SYT16: variants seen among roughly 807,000 people sequenced by gnomAD.
SYT16 encodes synaptotagmin 16.
A neutral mutation model predicts 61.4 loss-of-function variants in SYT16; 42 were observed. The ratio of observed to expected loss-of-function variants is 0.68; its 90% confidence interval spans 0.53 to 0.89. The LOEUF (loss-of-function observed/expected upper bound fraction) is 0.89, where lower values mean the gene tolerates loss of function less well. Among genes scored for constraint, SYT16 ranks in the 40% least tolerant of loss-of-function variants. The pLI is 0.00. For missense variants in SYT16, 804 were observed against 807.3 expected, an observed-to-expected ratio of 1.00 and a Z score of 0.05; for synonymous variants, 314 against 302.3, an observed-to-expected ratio of 1.04 and a Z score of -0.40.
chr14:61,891,238 A>G (rs1029908171), intron 1 of SYT16, among the ~76,000 whole-genome samples: 7 of 103,464 alleles, frequency 6.8e-5, no homozygotes, highest in East Asian at 2.9e-4. Flanking sequence ...GCATACACAC[A>G]CGCGCACACA....
chr14:61,841,466 TTAAAAGGTTTTTAAAAAATAATAGC>T lies in SYT16; in HGVS notation c.-325+28660_-325+28684del, dbSNP rs570053321. ...GAATTCCTAGATTAGCAGTTTTCATTTAAAAGGTTTTTAAAAAATAATAGCTAAGTCTGTTTAATTTGAAATTCTT... is the reference window on the plus strand; with the variant it reads ...GAATTCCTAGATTAGCAGTTTTCATTTAAGTCTGTTTAATTTGAAATTCTT... On this transcript the variant is annotated intron_variant, in intron 1 of 7. Transcript: ENST00000683842. 1.2e-4 allele frequency among the ~76,000 whole-genome samples: 18 copies of T among 152,340 alleles called. No homozygotes were observed. In the South Asian group the frequency reaches 3.3e-3, roughly 28 times the overall value.
chr14:61,866,374 G>T (rs2047154621), intron 1 of SYT16, among the ~76,000 whole-genome samples: 1 of 152,058 alleles, frequency 6.6e-6, no homozygotes, highest in South Asian at 2.1e-4. Context: ...GTACCATTTT[G>T]TATTCTCCCT....
chr14:61,989,159 G>T (rs1334578351), intron 2 of SYT16, among the ~76,000 whole-genome samples: 4 of 151,962 alleles, frequency 2.6e-5, no homozygotes, highest in African/African-American at 7.3e-5. Flanking sequence ...TTTTTCCGTG[G>T]TATTAGCTCA....
chr14:61,862,042 A>G (rs2046980812), intron 1 of SYT16, among the ~76,000 whole-genome samples: 1 of 152,242 alleles, frequency 6.6e-6, no homozygotes, highest in Admixed American at 6.5e-5. Flanking sequence ...CACACACAAT[A>G]TCTGCAAATC....
chr14:61,863,968 C>T (rs756237199), intron 1 of SYT16, among the ~76,000 whole-genome samples: 4 of 152,242 alleles, frequency 2.6e-5, no homozygotes, highest in South Asian at 2.1e-4. Context: ...TTCTATTGAT[C>T]GATTTATTCT....
chr14:61,938,040 C>CACACACACACAG (rs2050055989), intron 1 of SYT16, among the ~76,000 whole-genome samples: 1 of 151,764 alleles, frequency 6.6e-6, no homozygotes, highest in Admixed American at 6.6e-5. Context: ...CACACACACA[C>CACACACACACAG]ACACACACAC....
rs192306993 is a variant in SYT16 at position 62,000,132 on chromosome 14, G to A, written c.523+3590G>A. On this transcript the variant is annotated intron_variant, in intron 3 of 7. Transcript: ENST00000683842. ...TTTTTTTTTTTTTTTTTTTTTTAGC[G>A]TACTGATTTTGTTCTGTTGATCACT... Among the ~76,000 whole-genome samples the A allele has an allele frequency of 6.6e-3, 189 of 28,464 alleles. 1 individual carries two copies. The highest frequency in any genetic ancestry group is 7.2e-3 in the Non-Finnish European group (123 of 16,992). 18.7% of individuals were successfully genotyped at this position (28,464 alleles called of 152,430 possible). A position where few individuals can be genotyped will look rare whatever the true frequency, so the allele number is the denominator to read the frequency against.
intron 3 of SYT16, among the ~76,000 whole-genome samples, chr14:62,034,164 C>T (rs564837432): frequency 4.5e-4 from 68 of 152,248 alleles, no homozygotes; most frequent in African/African-American, 1.4e-3. Context: ...CCACCTTGTA[C>T]CCACCAGCAA....
chr14:62,004,917 C>T (rs950374962), intron 3 of SYT16, among the ~76,000 whole-genome samples: 4 of 152,152 alleles, frequency 2.6e-5, no homozygotes, highest in Non-Finnish European at 5.9e-5. Flanking sequence ...ACTAGACCTC[C>T]CTTGACATCA....
At chr14:61,897,552 T>C (rs934252637) in intron 1 of SYT16, among the ~76,000 whole-genome samples, 1 of 152,132 alleles carries the variant, frequency 6.6e-6, no homozygotes, top group East Asian at 1.9e-4. Flanking sequence ...CCACTTGGAC[T>C]TTTTTCAGAA....
chr14:62,056,546 C>T (rs1025668571), intron 3 of SYT16, among the ~76,000 whole-genome samples: 9 of 152,208 alleles, frequency 5.9e-5, no homozygotes, highest in African/African-American at 2.2e-4. Context: ...GGGCGCTCTC[C>T]AAGCTACGTT....
At chr14:62,086,713 A>C (rs2056899999) in intron 7 of SYT16, among the ~76,000 whole-genome samples, 1 of 152,158 alleles carries the variant, frequency 6.6e-6, no homozygotes, top group Admixed American at 6.5e-5. Flanking sequence ...TTTAAAACCA[A>C]ATAGGAAAAA....
chr14:61,923,006 G>A (rs1434781531), intron 1 of SYT16, among the ~76,000 whole-genome samples: 2 of 146,484 alleles, frequency 1.4e-5, no homozygotes, highest in African/African-American at 5.1e-5. Flanking sequence ...ACGAGATCAC[G>A]CCATTGCACT....
chr14:62,038,046 A>C (rs1298523554), intron 3 of SYT16, among the ~76,000 whole-genome samples: 2 of 152,074 alleles, frequency 1.3e-5, no homozygotes, highest in Non-Finnish European at 2.9e-5. Context: ...ATTTTCCCTG[A>C]ATTCACTTTT....
intron 3 of SYT16, among the ~76,000 whole-genome samples, chr14:62,033,524 T>G (rs1024577903): frequency 5.3e-5 from 8 of 152,128 alleles, no homozygotes; most frequent in Non-Finnish European, 1.0e-4. Context: ...AGTTGAGTTG[T>G]TTTACAAGTT....
intron 1 of SYT16, among the ~76,000 whole-genome samples, chr14:61,848,336 G>T (rs905023239): frequency 2.0e-5 from 3 of 152,204 alleles, no homozygotes; most frequent in African/African-American, 7.2e-5. Flanking sequence ...TGCCACCTTG[G>T]TGGTCTTGGA....
chr14:61,990,508 G>T (rs985134289), intron 2 of SYT16, among the ~76,000 whole-genome samples: 6 of 152,250 alleles, frequency 3.9e-5, no homozygotes, highest in East Asian at 1.9e-4. Flanking sequence ...ATACAATTTT[G>T]ATTTGATGTT....
intron 1 of SYT16, among the ~76,000 whole-genome samples, chr14:61,968,975 A>G (rs973832817): frequency 6.6e-6 from 1 of 152,092 alleles, no homozygotes; most frequent in African/African-American, 2.4e-5. Flanking sequence ...TTGTTCTTAT[A>G]TTGGCTTGCC....
At chr14:62,024,228 C>T (rs58782474) in intron 3 of SYT16, among the ~76,000 whole-genome samples, 93 of 151,956 alleles carry the variant, frequency 6.1e-4, no homozygotes, top group African/African-American at 2.1e-3. Context: ...TTTCATCTAC[C>T]GCAGGAATTC....
Sources: gnomAD v4.1 joint callset for allele counts (sites outside exome capture counted in the v4.1 genomes callset) on GRCh38, gnomAD v4.1.1 for gene constraint, MANE v1.5 for transcripts, NCBI Gene and HGNC (gene_info 2026-07-23, HGNC 2026-07-21) for gene names.